MYOM2: variants seen among roughly 807,000 people sequenced by gnomAD.
MYOM2 encodes the protein myomesin-2.
Under a neutral mutation model 187.6 loss-of-function variants are expected in MYOM2, and 254 were observed. The ratio of observed to expected loss-of-function variants is 1.35; its 90% CI spans 1.22 to 1.50. The LOEUF (loss-of-function observed/expected upper bound fraction) is 1.50, where lower values mean the gene tolerates loss of function less well. MYOM2 is among the 40% of genes most tolerant of loss of function. The probability of loss-of-function intolerance (pLI) is 0.00; values close to 1 mark genes in which losing one functional copy is unlikely to be tolerated. For missense variants in MYOM2, 2,796 were observed against 1,924.0 expected (o/e 1.45, Z -8.48); for synonymous variants, 981 against 753.8 (o/e 1.30, Z -4.94).
chr8:2,064,120 CCG>C (rs1818935448), intron 6 of MYOM2, among the ~76,000 whole-genome samples: 6 of 152,210 alleles, frequency 3.9e-5, no homozygotes, highest in Admixed American at 3.9e-4. Flanking sequence ...GAGGAAGTCT[CCG>C]CGAGAGTGGC....
rs373967774 is a variant in MYOM2 at position 2,096,429 on chromosome 8, C to G, written c.2308C>G (p.Leu770Val). 8 of 1,613,812 alleles carry G rather than the reference C, an allele frequency of 5.0e-6. No individual in the cohort carries two copies. The South Asian group carries it at 5.5e-5, about 11-fold the overall frequency. Residue 770 changes from leucine to valine, a missense_variant, in exon 18 of 37, where the codon CTA becomes GTA. Physicochemically the swap from Leu to Val is conservative, Grantham distance 32 (BLOSUM62 1). Transcript: ENST00000262113. Reference protein sequence around the residue: ...VNSSPSKPTILTVDGLTEGSL... With the variant: ...VNSSPSKPTIVTVDGLTEGSL... The stretch of plus-strand genomic sequence containing the variant: ...TTCCTCACCCAGCAAACCGACAATC[C>G]TAACGGTCAGTTGGTTTTTATTCCT...
intron 9 of MYOM2, 45 bp from the exon 10 acceptor site, chr8:2,073,293 CT>C: frequency 6.4e-7 from 1 of 1,573,664 alleles, no homozygotes; most frequent in South Asian, 1.2e-5. Flanking sequence ...TCTTTGCCTG[CT>C]GGGGTGATTT....
chr8:2,056,486 CAAA>C (rs138811653), intron 3 of MYOM2, among the ~76,000 whole-genome samples: 5,848 of 152,048 alleles, frequency 0.038, 397 homozygotes, highest in African/African-American at 0.13. Flanking sequence ...GTGGGGTTCA[CAAA>C]ATGGCATGTG....
At chr8:2,142,986 C>T (rs1040984956) in intron 35 of MYOM2, among the ~76,000 whole-genome samples, 1 of 151,974 alleles carries the variant, frequency 6.6e-6, no homozygotes, top group Non-Finnish European at 1.5e-5. Flanking sequence ...TAACTCCTGA[C>T]CTCAGATGAT....
At chr8:2,139,710 G>A (rs953693765) in intron 32 of MYOM2, among the ~76,000 whole-genome samples, 4 of 152,080 alleles carry the variant, frequency 2.6e-5, no homozygotes, top group African/African-American at 9.7e-5. Flanking sequence ...GGTGGCCCTG[G>A]AGTCCGTCCT....
chr8:2,108,417 T>G (rs962235130), intron 23 of MYOM2, among the ~76,000 whole-genome samples: 1 of 152,140 alleles, frequency 6.6e-6, no homozygotes, highest in East Asian at 1.9e-4. Context: ...AAGCACGTTC[T>G]CAGCCAGTGC....
chr8:2,051,430 G>A (rs1299722374), intron 2 of MYOM2, among the ~76,000 whole-genome samples: 1 of 152,194 alleles, frequency 6.6e-6, no homozygotes, highest in Non-Finnish European at 1.5e-5. Flanking sequence ...TGTTTGTGTA[G>A]CAGCAAATCT....
At chr8:2,136,635 G>C (rs950040826) in intron 32 of MYOM2, among the ~76,000 whole-genome samples, 7 of 147,056 alleles carry the variant, frequency 4.8e-5, no homozygotes, top group African/African-American at 1.9e-4. Context: ...GTGTGCAGTG[G>C]GGCCCTTATC....
chr8:2,072,703 A>C (rs1819276924), intron 9 of MYOM2, among the ~76,000 whole-genome samples, 194 bp downstream of exon 9: 1 of 152,214 alleles, frequency 6.6e-6, no homozygotes, highest in Admixed American at 6.5e-5. Context: ...AATCCTGGAG[A>C]GGGAGACCCC....
At position 2,101,191 on chromosome 8, in the gene MYOM2, C is replaced by CA. The variant is rs367811543; in HGVS notation, c.2619+144dup. 1.9e-4 allele frequency: 160 copies of CA among 836,612 alleles called. 1 individual carries two copies. The East Asian group carries it at 3.6e-3, about 19-fold the overall frequency. The allele number at this position is 836,612 out of a possible 1,614,324, so 51.8% of individuals were successfully genotyped here. ...AGAAGCCCCGTCTCTACTAAAAATA[C>CA]AAAAAAATTAGCCGGGCATGGCACC... On this transcript the variant is annotated intron_variant, in intron 20 of 36. Coordinates refer to ENST00000262113, the MANE Select transcript of MYOM2 (RefSeq NM_003970.4).
At position 2,129,370 on chromosome 8, in the gene MYOM2, A is replaced by G. The variant is rs577082903; in HGVS notation, c.3800+138A>G. The G allele has an allele frequency of 3.2e-5, 18 of 558,788 alleles. No individual in the cohort carries two copies. In the Admixed American group the frequency reaches 4.2e-4, roughly 13 times the overall value. 34.6% of individuals were successfully genotyped at this position (558,788 alleles called of 1,614,324 possible). A position where few individuals can be genotyped will look rare whatever the true frequency, so the allele number is the denominator to read the frequency against. On this transcript the variant is annotated intron_variant, in intron 32 of 36. Coordinates refer to ENST00000262113, the MANE Select transcript of MYOM2 (RefSeq NM_003970.4). ...AATTTTATAATTTTGAGCAATGATGACAACCTTTAGCTCAGGGAAGGGGGC... is the reference window on the plus strand; with the variant it reads ...AATTTTATAATTTTGAGCAATGATGGCAACCTTTAGCTCAGGGAAGGGGGC...
At chr8:2,072,757 CAGAA>C (rs1279555677) in intron 9 of MYOM2, among the ~76,000 whole-genome samples, 1 of 152,206 alleles carries the variant, frequency 6.6e-6, no homozygotes, top group African/African-American at 2.4e-5. Context: ...CGTACAGTGA[CAGAA>C]AGAATGATCT....
chr8:2,133,923 G>C (rs1233728357), intron 32 of MYOM2, among the ~76,000 whole-genome samples: 7 of 120,186 alleles, frequency 5.8e-5, no homozygotes, highest in African/African-American at 3.0e-4. Flanking sequence ...AAGAAAGTAA[G>C]GAGTTCCCTT....
At chr8:2,071,272 G>T (rs1819205913) in intron 8 of MYOM2, among the ~76,000 whole-genome samples, 1 of 152,068 alleles carries the variant, frequency 6.6e-6, no homozygotes. Context: ...TGGGATTACA[G>T]GCATGAGCCA....
intron 32 of MYOM2, among the ~76,000 whole-genome samples, chr8:2,131,127 A>G (rs1423178035): frequency 1.3e-5 from 2 of 152,236 alleles, no homozygotes; most frequent in African/African-American, 2.4e-5. Context: ...ACCCACACAC[A>G]GGATTAAACA....
At position 2,106,348 on chromosome 8, in the gene MYOM2, C is replaced by G; in HGVS notation, c.2841C>G (p.Tyr947Ter). 1 of 1,614,112 alleles carries G rather than the reference C, an allele frequency of 6.2e-7. No homozygotes were observed. The highest frequency in any genetic ancestry group is 8.5e-7 in the Non-Finnish European group (1 of 1,179,998). Residue 947 changes from tyrosine to a stop codon, truncating the protein, a stop_gained, in exon 22 of 37, where the codon TAC (tyrosine) becomes TAG (stop). Coordinates refer to ENST00000262113, the MANE Select transcript of MYOM2 (RefSeq NM_003970.4). LOFTEE classifies it high-confidence loss of function. Reference sequence around the variant, plus strand: ...CTCAGTTCACCTGGTGTAAATCCTACGAGGAGATTTCAGATGATGAGAGGT... The same window carrying G: ...CTCAGTTCACCTGGTGTAAATCCTAGGAGGAGATTTCAGATGATGAGAGGT... Reference protein sequence around the residue: ...DASQFTWCKSYEEISDDERFK... With the variant: ...DASQFTWCKS
At chr8:2,123,532 T>C in intron 29 of MYOM2, 23 bp from the exon 30 acceptor site, 1 of 1,601,252 alleles carries the variant, frequency 6.2e-7, no homozygotes, top group Non-Finnish European at 8.6e-7. Context: ...TTTACATAAA[T>C]ATGGAATGTG....
At position 2,090,013 on chromosome 8, in the gene MYOM2, G is replaced by A. The variant is rs34838921; in HGVS notation, c.1650G>A (p.Val550=). Residue 550 remains valine (V), a synonymous_variant, in exon 15 of 37, where the codon GTG becomes GTA. Transcript: ENST00000262113. ...DPLMYFIEKS[V]VGSGSWQRVN... ...GTTTCTGTTTCTCTTTGTAGTCCGTGGTGGGGAGCGGCAGCTGGCAGAGAG... is the reference window on the plus strand; with the variant it reads ...GTTTCTGTTTCTCTTTGTAGTCCGTAGTGGGGAGCGGCAGCTGGCAGAGAG... The A allele has an allele frequency of 1.9e-6, 3 of 1,613,670 alleles. No individual in the cohort carries two copies. The highest frequency in any genetic ancestry group is 2.2e-5 in the East Asian group (1 of 44,884).
At position 2,057,350 on chromosome 8, in the gene MYOM2, A is replaced by C. The variant is rs776824095; in HGVS notation, c.266A>C (p.Tyr89Ser). 1.3e-5 allele frequency: 21 copies of C among 1,603,756 alleles called. No individual in the cohort carries two copies. The South Asian group carries it at 2.3e-4, about 18-fold the overall frequency. ...EDEEQENRSRYQSLVAAYGEA... is the reference protein window; with the variant it reads ...EDEEQENRSRSQSLVAAYGEA... Reference sequence around the variant, plus strand: ...AGGCTGCTTCTCGGCTCCTGCAGGTACCAGTCCCTGGTGGCCGCCTATGGT... The same window carrying C: ...AGGCTGCTTCTCGGCTCCTGCAGGTCCCAGTCCCTGGTGGCCGCCTATGGT... The change falls in exon 4 of 37, where the codon TAC (tyrosine) becomes TCC (serine). Residue 89 changes from tyrosine (Y) to serine (S), a missense_variant and splice_region_variant. By Grantham distance (144) the Tyr-to-Ser change is moderately radical (BLOSUM62 -2). Coordinates refer to ENST00000262113, the MANE Select transcript of MYOM2 (RefSeq NM_003970.4).
Sources: gnomAD v4.1 joint callset for allele counts (sites outside exome capture counted in the v4.1 genomes callset) on GRCh38, gnomAD v4.1.1 for gene constraint, MANE v1.5 for transcripts, NCBI Gene and HGNC (gene_info 2026-07-23, HGNC 2026-07-21) for gene names.